Variants in ZC3H13 observed in about 807,000 individuals in gnomAD.
The protein encoded by ZC3H13 is zinc finger CCCH domain-containing protein 13.
A neutral mutation model predicts 204.1 loss-of-function variants in ZC3H13; 64 were observed. The ratio of observed to expected loss-of-function variants is 0.31; its 90% CI spans 0.26 to 0.39. ZC3H13 has a LOEUF of 0.39. Ranked by LOEUF, ZC3H13 falls within the 10% of genes least tolerant of loss-of-function variation. The pLI, the probability that ZC3H13 is intolerant of heterozygous loss-of-function variation, is 1.00. For missense variants in ZC3H13, 1,833 were observed against 2,082.7 expected (o/e 0.88, Z 2.33); for synonymous variants, 667 against 693.7 (o/e 0.96, Z 0.60).
intron 2 of ZC3H13, 90 bp downstream of exon 2, chr13:46,045,301 A>G: frequency 8.2e-7 from 1 of 1,219,666 alleles, no homozygotes; most frequent in South Asian, 1.3e-5. Flanking sequence ...TTCCTACAAT[A>G]AAACAACCTG....
intron 11 of ZC3H13, chr13:45,976,139 G>C: frequency 1.0e-6 from 1 of 976,400 alleles, no homozygotes; most frequent in African/African-American, 1.8e-5. Context: ...CCTACCTCCA[G>C]CCCACTGCTC....
At position 46,046,330 on chromosome 13, in the gene ZC3H13, G is replaced by T. The variant is rs557973838; in HGVS notation, c.-9-814C>A. 1.7e-3 allele frequency among the ~76,000 whole-genome samples: 256 copies of T among 151,902 alleles called. 2 individuals carry two copies. The Middle Eastern group carries it at 0.024, about 14-fold the overall frequency. On this transcript the variant is annotated intron_variant, in intron 1 of 18. Coordinates refer to ENST00000679008, the MANE Select transcript of ZC3H13 (RefSeq NM_001330564.2). ...TAAAAATATTTTTATTTTATTTTAC[G>T]TTTAAGCTCTGTTAGATTTGATGTA...
At chr13:46,034,307 CT>C (rs2043079167) in intron 4 of ZC3H13, among the ~76,000 whole-genome samples, 1 of 152,222 alleles carries the variant, frequency 6.6e-6, no homozygotes, top group Non-Finnish European at 1.5e-5. Flanking sequence ...CAAAAGAAAA[CT>C]TTTCCACACA....
At chr13:46,019,481 G>C (rs2042097603) in intron 5 of ZC3H13, among the ~76,000 whole-genome samples, 1 of 152,046 alleles carries the variant, frequency 6.6e-6, no homozygotes, top group South Asian at 2.1e-4. Context: ...TCTGTAAGTA[G>C]AGTAACAAAG....
At position 45,968,873 on chromosome 13, in the gene ZC3H13, C is replaced by T. The variant is rs555865842; in HGVS notation, c.3671G>A (p.Arg1224Gln). The T allele has an allele frequency of 6.7e-5, 108 of 1,613,966 alleles. No individual in the cohort carries two copies. Among genetic ancestry groups the T allele is most frequent in the Admixed American group, 2.0e-4 (12 of 59,984 alleles). The stretch of plus-strand genomic sequence containing the variant: ...TGAGCCACTGTGCAGTACTCTCTTT[C>T]GACCACTTTGGTCATCTCCACTTCG... ...AHRSGDDQSG[R>Q]KRVLHSGSRD... is the part of the protein sequence containing the mutation. Residue 1224 changes from arginine (R) to glutamine (Q), a missense_variant, in exon 14 of 19, where the codon CGA becomes CAA. Coordinates refer to ENST00000679008, the MANE Select transcript of ZC3H13 (RefSeq NM_001330564.2).
At chr13:46,008,236 T>C (rs527709935) in intron 7 of ZC3H13, among the ~76,000 whole-genome samples, 1 of 151,932 alleles carries the variant, frequency 6.6e-6, no homozygotes, top group South Asian at 2.1e-4. Context: ...ATGTTCTGAG[T>C]TGATAGTATG....
chr13:46,037,637 T>C (rs971284601), intron 4 of ZC3H13, among the ~76,000 whole-genome samples: 13 of 138,490 alleles, frequency 9.4e-5, no homozygotes, highest in African/African-American at 3.4e-4. Context: ...GACTACCTCA[T>C]ATAAGCCTCT....
chr13:45,981,496 A>T (rs1953603208), intron 10 of ZC3H13, among the ~76,000 whole-genome samples: 1 of 152,088 alleles, frequency 6.6e-6, no homozygotes, highest in East Asian at 1.9e-4. Context: ...TTGGGTATAT[A>T]CCCAGTAATG....
chr13:45,968,634 T>C, intron 14 of ZC3H13, 114 bp downstream of exon 14: 1 of 1,390,360 alleles, frequency 7.2e-7, no homozygotes, highest in Non-Finnish European at 9.6e-7. Context: ...AAAAGTTGCA[T>C]AAAATTTAAG....
intron 12 of ZC3H13, 50 bp from the exon 13 acceptor site, chr13:45,970,515 A>G (rs1418367442): frequency 6.4e-7 from 1 of 1,561,002 alleles, no homozygotes; most frequent in Non-Finnish European, 8.7e-7. Flanking sequence ...GGGCAAAAAA[A>G]GAGATTTTTT....
chr13:45,974,790 TG>T (rs369595032), intron 12 of ZC3H13, among the ~76,000 whole-genome samples: 3 of 152,252 alleles, frequency 2.0e-5, no homozygotes, highest in African/African-American at 7.2e-5. Flanking sequence ...GGGGATGTGA[TG>T]GGATACAAGT....
At chr13:45,995,197 G>A (rs775106793) in intron 8 of ZC3H13, among the ~76,000 whole-genome samples, 1 of 151,980 alleles carries the variant, frequency 6.6e-6, no homozygotes, top group Non-Finnish European at 1.5e-5. Context: ...TTAAACTTCC[G>A]AACCACCAGC....
chr13:45,972,260 G>A (rs1038968367), intron 12 of ZC3H13, among the ~76,000 whole-genome samples: 1 of 151,658 alleles, frequency 6.6e-6, no homozygotes, highest in African/African-American at 2.4e-5. Flanking sequence ...AGTGCCCATT[G>A]GCCAATGGGT....
At chr13:45,962,580 C>T (rs747224608) in intron 17 of ZC3H13, 146 of 984,794 alleles carry the variant, frequency 1.5e-4, no homozygotes, top group Non-Finnish European at 1.7e-4. Context: ...GGTTAATACA[C>T]GTTAACAATT....
chr13:46,042,224 G>C lies in ZC3H13; in HGVS notation c.279C>G (p.Arg93=), dbSNP rs770538133. The C allele has an allele frequency of 3.7e-6, 6 of 1,613,210 alleles. No homozygotes were observed. Among genetic ancestry groups the C allele is most frequent in the Non-Finnish European group, 4.2e-6 (5 of 1,179,470 alleles). The change falls in exon 4 of 19, where the codon CGC becomes CGG. Residue 93 remains arginine (R), a synonymous_variant. Coordinates refer to ENST00000679008, the MANE Select transcript of ZC3H13 (RefSeq NM_001330564.2). The stretch of plus-strand genomic sequence containing the variant: ...TCTGGGGCTCAGTGTCCACGTCTTG[G>C]CGCTTGTTCTTCATTCTTTCTCTAA... ...GDLRERMKNK[R]QDVDTEPQKR... is the part of the protein sequence containing the mutation.
intron 4 of ZC3H13, among the ~76,000 whole-genome samples, chr13:46,032,962 T>C (rs572739957): frequency 7.9e-5 from 12 of 151,640 alleles, no homozygotes; most frequent in Middle Eastern, 6.8e-3. Flanking sequence ...ATACACTAAT[T>C]TGTGTGCATA....
rs1435586758 is a variant in ZC3H13 at position 46,045,408 on chromosome 13, T to C, written c.100A>G (p.Thr34Ala). Residue 34 changes from threonine to alanine, a missense_variant, in exon 2 of 19, where the codon ACT (threonine) becomes GCT (alanine). Around this residue, in one of 5 missense-constraint regions of ZC3H13, gnomAD observed 18 missense variants for 46.0 expected, o/e 0.39. Transcript: ENST00000679008. ...PSVFERLGPS[T>A]GSTAETQCRN... ...CAACTCACCTCTGCTGTACTGCCAG[T>C]GCTGGGTCCAAGCCTCTCAAATACA... 5 of 1,613,938 alleles carry C rather than the reference T, an allele frequency of 3.1e-6. No individual in the cohort carries two copies. Among genetic ancestry groups the C allele is most frequent in the Admixed American group, 1.7e-5 (1 of 60,012 alleles).
Position 46,011,475 on chromosome 13 carries a change from T to C in ZC3H13, c.528A>G (p.Glu176=). The change falls in exon 6 of 19, where the codon GAA becomes GAG. Residue 176 remains glutamate, a synonymous_variant. Coordinates refer to ENST00000679008, the MANE Select transcript of ZC3H13 (RefSeq NM_001330564.2). The part of the protein sequence containing the change: ...LEMKRQKIQR[E]LMKLEQENME... ...TGTTTTCTTGTTCCAGCTTCATTAA[T>C]TCCCTCTGTATCTTCTGACGCTTCA... is the stretch of plus-strand genomic sequence containing the variant. 3 of 1,606,906 alleles carry C rather than the reference T, an allele frequency of 1.9e-6. No homozygotes were observed. The Admixed American group carries it at 5.1e-5, about 27-fold the overall frequency.
At chr13:45,988,368 C>T (rs2039707601) in intron 9 of ZC3H13, among the ~76,000 whole-genome samples, 1 of 152,158 alleles carries the variant, frequency 6.6e-6, no homozygotes, top group Non-Finnish European at 1.5e-5. Context: ...AGCAATTCTC[C>T]TGCCTCAGCT....
Sources: allele counts gnomAD v4.1 joint callset (sites outside exome capture counted in the v4.1 genomes callset), GRCh38; gene constraint gnomAD v4.1.1; regional missense constraint gnomAD v4.1.1; transcripts MANE v1.5; gene names NCBI Gene and HGNC (gene_info 2026-07-23, HGNC 2026-07-21).